Variants in DLC1 observed in about 807,000 individuals in gnomAD.
DLC1 encodes the protein DLC1 Rho GTPase activating protein, also known as rho GTPase-activating protein 7.
In DLC1, 54 loss-of-function variants were observed where a neutral mutation model predicts 140.3. The observed-to-expected ratio is 0.38, with a 90% CI of 0.31 to 0.48. The LOEUF (loss-of-function observed/expected upper bound fraction) is 0.48. Among genes scored for constraint, DLC1 ranks in the 20% least tolerant of loss-of-function variants. The pLI is 0.96. For synonymous variants in DLC1, 986 were observed against 728.1 expected (o/e 1.35, Z -5.70); for missense variants, 2,536 against 1,907.0 (o/e 1.33, Z -6.14).
chr8:13,272,640 T>C (rs1418198936), intron 5 of DLC1, among the ~76,000 whole-genome samples: 4 of 151,910 alleles, frequency 2.6e-5, no homozygotes, highest in African/African-American at 9.7e-5. Flanking sequence ...GGCAGTCGGA[T>C]CACGAGGTCA....
chr8:13,193,262 C>T (rs73663621), intron 5 of DLC1, among the ~76,000 whole-genome samples: 1,746 of 152,186 alleles, frequency 0.011, 28 homozygotes, highest in African/African-American at 0.039. Context: ...AACTTTTCTT[C>T]CTTATCAGGT....
At chr8:13,338,113 C>A (rs367597262) in intron 4 of DLC1, among the ~76,000 whole-genome samples, 2 of 152,088 alleles carry the variant, frequency 1.3e-5, no homozygotes, top group African/African-American at 4.8e-5. Flanking sequence ...ATTGAAAGAA[C>A]CTGGACTGGC....
At chr8:13,120,691 T>C (rs979087561) in intron 5 of DLC1, among the ~76,000 whole-genome samples, 1 of 152,014 alleles carries the variant, frequency 6.6e-6, no homozygotes. Flanking sequence ...AACAGACAAA[T>C]GCCGTAAGGA....
rs796655940 is a variant in DLC1 at position 13,116,235 on chromosome 8, C to T, written c.1349-578G>A. ...AGGCTGTCAAGGAACATGGAGGGCA[C>T]GAAGTCAGTAAATCCCACAATCTTG... is the stretch of plus-strand genomic sequence containing the variant. On this transcript the variant is annotated intron_variant, in intron 5 of 17. Coordinates refer to ENST00000276297, the MANE Select transcript of DLC1 (RefSeq NM_182643.3). 2.0e-5 allele frequency: 20 copies of T among 985,252 alleles called. No homozygotes were observed. The East Asian group carries it at 1.5e-3, about 73-fold the overall frequency. 61.0% of individuals were successfully genotyped at this position (985,252 alleles called of 1,614,324 possible).
intron 12 of DLC1, among the ~76,000 whole-genome samples, chr8:13,093,320 G>A (rs1021511813): frequency 6.6e-6 from 1 of 152,020 alleles, no homozygotes; most frequent in Non-Finnish European, 1.5e-5. Flanking sequence ...GAGTTTAACT[G>A]ATTTGTTCCT....
At chr8:13,433,570 T>G (rs1349066117) in intron 2 of DLC1, among the ~76,000 whole-genome samples, 3 of 152,218 alleles carry the variant, frequency 2.0e-5, no homozygotes, top group Non-Finnish European at 4.4e-5. Flanking sequence ...CTAACTTTCT[T>G]CCTCAAAGTG....
chr8:13,322,858 C>CCA (rs1554496957), intron 4 of DLC1, among the ~76,000 whole-genome samples: 1 of 152,052 alleles, frequency 6.6e-6, no homozygotes, highest in African/African-American at 2.4e-5. Context: ...CTTTAATAGA[C>CCA]TGGCAGAAGT....
chr8:13,214,673 G>C (rs149850102), intron 5 of DLC1: 1 of 780,828 alleles, frequency 1.3e-6, no homozygotes, highest in Non-Finnish European at 2.4e-6. Flanking sequence ...CTCTTCTGGG[G>C]AAAGGTGTAA....
chr8:13,367,323 C>G (rs1671411), intron 4 of DLC1, among the ~76,000 whole-genome samples: 102,050 of 151,684 alleles, frequency 0.67, 34,955 homozygotes, highest in East Asian at 0.83. Flanking sequence ...GTGAGGAAAC[C>G]TAACACAGAG....
At chr8:13,356,539 A>G (rs1834951001) in intron 4 of DLC1, among the ~76,000 whole-genome samples, 1 of 152,188 alleles carries the variant, frequency 6.6e-6, no homozygotes, top group African/African-American at 2.4e-5. Flanking sequence ...CACAAAGAGA[A>G]TTGGTAATTC....
intron 5 of DLC1, among the ~76,000 whole-genome samples, chr8:13,163,346 C>G (rs1241770074): frequency 6.6e-6 from 1 of 152,120 alleles, no homozygotes; most frequent in Admixed American, 6.5e-5. Flanking sequence ...CATAATTCAT[C>G]TAGTGTTCAG....
At chr8:13,244,089 C>T (rs542330260) in intron 5 of DLC1, among the ~76,000 whole-genome samples, 1 of 152,312 alleles carries the variant, frequency 6.6e-6, no homozygotes, top group South Asian at 2.1e-4. Flanking sequence ...GCTTCACACA[C>T]TTGAGTAATC....
At chr8:13,574,199 A>C (rs928726704) in intron 1 of DLC1, among the ~76,000 whole-genome samples, 2 of 152,186 alleles carry the variant, frequency 1.3e-5, no homozygotes, top group Admixed American at 6.5e-5. Flanking sequence ...CCTCAGTGGC[A>C]AATTAGCGTA....
At chr8:13,449,698 A>G (rs1418955701) in intron 2 of DLC1, among the ~76,000 whole-genome samples, 1 of 152,140 alleles carries the variant, frequency 6.6e-6, no homozygotes, top group Non-Finnish European at 1.5e-5. Context: ...GAGGGATAGC[A>G]TTAGGAGATA....
At chr8:13,269,530 A>G (rs1224421839) in intron 5 of DLC1, among the ~76,000 whole-genome samples, 1 of 151,854 alleles carries the variant, frequency 6.6e-6, no homozygotes, top group African/African-American at 2.4e-5. Flanking sequence ...ACCCTGGGTG[A>G]CAGAGCAAGA....
chr8:13,438,452 C>G (rs936404507), intron 2 of DLC1, among the ~76,000 whole-genome samples: 2 of 152,110 alleles, frequency 1.3e-5, no homozygotes, highest in Non-Finnish European at 2.9e-5. Flanking sequence ...AGAATGATCG[C>G]TATAAAACCA....
intron 1 of DLC1, among the ~76,000 whole-genome samples, chr8:13,584,825 A>G (rs1217264549): frequency 1.3e-5 from 2 of 152,114 alleles, no homozygotes; most frequent in Admixed American, 6.5e-5. Flanking sequence ...CTTCCTACCC[A>G]ATCCTCCCTT....
rs373360795 is a variant in DLC1 at position 13,570,028 on chromosome 8, C to G, written c.-126+34509G>C. On this transcript the variant is annotated intron_variant, in intron 1 of 1. Transcript: ENST00000631382. The stretch of plus-strand genomic sequence containing the variant: ...GGCACGAGCCACTGTGCCCAGGAGC[C>G]CAGAATTATTTTTCTAACACACAAA... Among the ~76,000 whole-genome samples, 200 of 152,276 alleles carry G rather than the reference C, an allele frequency of 1.3e-3. 1 individual carries two copies. The highest frequency in any genetic ancestry group is 4.6e-3 in the African/African-American group (190 of 41,546).
Position 13,221,728 on chromosome 8 carries a change from A to ATATGTGTGTGTATATGTGTGTGTGTGTG in DLC1, c.1348+83540_1348+83541insCACACACACACACATATACACACACATA, listed in dbSNP as rs1563177109. Among the ~76,000 whole-genome samples the ATATGTGTGTGTATATGTGTGTGTGTGTG allele has an allele frequency of 6.8e-5, 8 of 117,562 alleles. No individual in the cohort carries two copies. In the South Asian group the frequency reaches 2.5e-3, roughly 37 times the overall value. 77.1% of individuals were successfully genotyped at this position (117,562 alleles called of 152,430 possible). A position where few individuals can be genotyped will look rare whatever the true frequency, so the allele number is the denominator to read the frequency against. On this transcript the variant is annotated intron_variant, in intron 5 of 17. Coordinates refer to ENST00000276297, the MANE Select transcript of DLC1 (RefSeq NM_182643.3). ...TGTGTGTATATGTGTGTGTGTGTGT[A>ATATGTGTGTGTATATGTGTGTGTGTGTG]TATATATATATATATATGATAAACC... is the stretch of plus-strand genomic sequence containing the variant.
Sources: gnomAD v4.1 joint callset for allele counts (sites outside exome capture counted in the v4.1 genomes callset) on GRCh38, gnomAD v4.1.1 for gene constraint, MANE v1.5 for transcripts, NCBI Gene and HGNC (gene_info 2026-07-23, HGNC 2026-07-21) for gene names.